The following DOCK10 variants were observed in gnomAD, a reference collection of about 807,000 sequenced individuals.
The protein encoded by DOCK10 is dedicator of cytokinesis 10, also known as dedicator of cytokinesis protein 10.
In DOCK10, 145 loss-of-function variants were observed where a neutral mutation model predicts 280.1. The ratio of observed to expected loss-of-function variants is 0.52; its 90% CI spans 0.45 to 0.59. The LOEUF (loss-of-function observed/expected upper bound fraction) is 0.59, where lower values mean the gene tolerates loss of function less well. Ranked by LOEUF, DOCK10 falls within the 20% of genes least tolerant of loss-of-function variation. The probability of loss-of-function intolerance (pLI) is 0.00; values close to 1 mark genes in which losing one functional copy is unlikely to be tolerated. For missense variants in DOCK10, 2,368 were observed against 2,651.7 expected (o/e 0.89, Z 2.35); for synonymous variants, 915 against 942.2 (o/e 0.97, Z 0.53).
chr2:224,963,027 G>T (rs1227015326), intron 1 of DOCK10, among the ~76,000 whole-genome samples: 1 of 152,064 alleles, frequency 6.6e-6, no homozygotes, highest in Non-Finnish European at 1.5e-5. Flanking sequence ...AAAAATTCGA[G>T]ATCTGACCAT....
chr2:224,976,899 C>T (rs1705476818), intron 1 of DOCK10, among the ~76,000 whole-genome samples: 1 of 152,162 alleles, frequency 6.6e-6, no homozygotes, highest in African/African-American at 2.4e-5. Context: ...TTAGCTCAAG[C>T]ACTGTATGGC....
chr2:224,860,589 G>T (rs1697437336), intron 14 of DOCK10: 1 of 151,754 alleles, frequency 6.6e-6, no homozygotes, highest in African/African-American at 2.4e-5. Context: ...TAGAGACAGG[G>T]TCTCACTCTG....
chr2:224,953,799 C>T (rs1273786260), intron 1 of DOCK10, among the ~76,000 whole-genome samples: 1 of 152,138 alleles, frequency 6.6e-6, no homozygotes, highest in Non-Finnish European at 1.5e-5. Flanking sequence ...CCAATCTAAT[C>T]GTATACAGTA....
At chr2:225,000,225 G>C (rs72976511) in intron 1 of DOCK10, among the ~76,000 whole-genome samples, 1,598 of 144,622 alleles carry the variant, frequency 0.011, 14 homozygotes, top group East Asian at 0.019. Context: ...CACACACACA[G>C]ACACACACAC....
chr2:225,004,111 A>G (rs1706509800), intron 1 of DOCK10, among the ~76,000 whole-genome samples: 1 of 152,238 alleles, frequency 6.6e-6, no homozygotes, highest in African/African-American at 2.4e-5. Flanking sequence ...CCCCAAAGAT[A>G]TGCCCATATC....
At chr2:224,787,173 C>T (rs772837799) in intron 49 of DOCK10, 38 bp from the exon 50 acceptor site, 1 of 1,605,206 alleles carries the variant, frequency 6.2e-7, no homozygotes, top group Non-Finnish European at 8.5e-7. Flanking sequence ...GAAGATGATG[C>T]TGTCATACAA....
chr2:224,881,829 TC>T (rs1434838603), intron 7 of DOCK10, among the ~76,000 whole-genome samples: 1 of 152,212 alleles, frequency 6.6e-6, no homozygotes, highest in Non-Finnish European at 1.5e-5. Context: ...CTTGTAATGT[TC>T]TTTCCCCTGC....
rs781152272 is a variant in DOCK10 at position 224,921,092 on chromosome 2, TAAAAAAAAAAAAA to T, written c.244-4321_244-4309del. On this transcript the variant is annotated intron_variant, in intron 2 of 55. Transcript: ENST00000258390. ...CAACATGGGAAAACACCGTCTCTATTAAAAAAAAAAAAAAAAAAAAATATATATATATATATAT... is the reference window on the plus strand; with the variant it reads ...CAACATGGGAAAACACCGTCTCTATTAAAAAAAATATATATATATATATAT... 2.4e-3 allele frequency among the ~76,000 whole-genome samples: 140 copies of T among 59,466 alleles called. 3 individuals are homozygous for T. The highest frequency in any genetic ancestry group is 7.9e-3 in the Admixed American group (46 of 5,852). The allele number at this position is 59,466 out of a possible 152,430, so 39.0% of individuals were successfully genotyped here.
At chr2:224,931,227 G>T (rs1702352346) in intron 2 of DOCK10, among the ~76,000 whole-genome samples, 1 of 152,216 alleles carries the variant, frequency 6.6e-6, no homozygotes, top group African/African-American at 2.4e-5. Context: ...AGAAATGGCT[G>T]AGGGAGGAAG....
intron 55 of DOCK10, among the ~76,000 whole-genome samples, 162 bp from the exon 56 acceptor site, chr2:224,765,999 A>G (rs1354973760): frequency 1.3e-5 from 2 of 152,194 alleles, no homozygotes; most frequent in Non-Finnish European, 2.9e-5. Flanking sequence ...ATTTTCCCCC[A>G]AGACCACGTG....
At chr2:224,973,709 C>G (rs1018009001) in intron 1 of DOCK10, among the ~76,000 whole-genome samples, 1 of 152,146 alleles carries the variant, frequency 6.6e-6, no homozygotes, top group African/African-American at 2.4e-5. Context: ...TTTATTACAG[C>G]AGAAATAGGA....
chr2:224,929,142 A>G (rs1357619668), intron 2 of DOCK10, among the ~76,000 whole-genome samples: 1 of 152,172 alleles, frequency 6.6e-6, no homozygotes, highest in East Asian at 1.9e-4. Context: ...CTATCATCAG[A>G]TTCTGCCTAG....
At chr2:224,892,038 G>C in intron 4 of DOCK10, among the ~76,000 whole-genome samples, 1 of 152,124 alleles carries the variant, frequency 6.6e-6, no homozygotes. Flanking sequence ...TGCATTCTAG[G>C]GGAGGAGAGA....
intron 48 of DOCK10, among the ~76,000 whole-genome samples, chr2:224,787,936 AT>A (rs1268573220): frequency 6.6e-6 from 1 of 152,222 alleles, no homozygotes; most frequent in African/African-American, 2.4e-5. Context: ...CCACTCCATT[AT>A]TAGAATACCC....
chr2:224,868,998 G>T (rs985579969), intron 11 of DOCK10, among the ~76,000 whole-genome samples: 1 of 151,996 alleles, frequency 6.6e-6, no homozygotes, highest in African/African-American at 2.4e-5. Flanking sequence ...AAGCTCATGT[G>T]GTGATTCATT....
intron 1 of DOCK10, among the ~76,000 whole-genome samples, chr2:225,020,560 G>A (rs899906523): frequency 1.3e-5 from 2 of 152,124 alleles, no homozygotes; most frequent in African/African-American, 2.4e-5. Context: ...TTGCTATGAC[G>A]TATTCTAAAA....
At position 224,804,239 on chromosome 2, in the gene DOCK10, C is replaced by T. The variant is rs189274523; in HGVS notation, c.4167-26G>A. On this transcript the variant is annotated intron_variant, in intron 38 of 55. Coordinates refer to ENST00000258390, the MANE Select transcript of DOCK10 (RefSeq NM_014689.3). ...CTGCAATGAAAATGGAAGTTTTAATCATAGCTCAGTGTTTGTAATTTACAT... is the reference window on the plus strand; with the variant it reads ...CTGCAATGAAAATGGAAGTTTTAATTATAGCTCAGTGTTTGTAATTTACAT... 7.8e-5 allele frequency: 109 copies of T among 1,394,956 alleles called. No homozygotes were observed. In the African/African-American group the frequency reaches 1.3e-3, roughly 17 times the overall value. The allele number at this position is 1,394,956 out of a possible 1,614,324, so 86.4% of individuals were successfully genotyped here.
chr2:224,969,132 A>T (rs1704939783), intron 1 of DOCK10, among the ~76,000 whole-genome samples: 1 of 152,208 alleles, frequency 6.6e-6, no homozygotes. Context: ...TTGCCAAGGA[A>T]GTGTTAAAAA....
At chr2:224,814,803 T>G (rs1275833974) in intron 30 of DOCK10, among the ~76,000 whole-genome samples, 4 of 152,214 alleles carry the variant, frequency 2.6e-5, no homozygotes, top group Non-Finnish European at 5.9e-5. Flanking sequence ...ATTACAGGCA[T>G]GAGCCACCAC....
Sources: gnomAD v4.1 joint callset for allele counts (sites outside exome capture counted in the v4.1 genomes callset) on GRCh38, gnomAD v4.1.1 for gene constraint, MANE v1.5 for transcripts, NCBI Gene and HGNC (gene_info 2026-07-23, HGNC 2026-07-21) for gene names.